Variants in EPB41L3 observed in about 807,000 individuals in gnomAD.
EPB41L3 encodes the protein band 4.1-like protein 3.
In EPB41L3, 57 loss-of-function variants were observed where a neutral mutation model predicts 127.1. The observed-to-expected ratio is 0.45, with a 90% confidence interval of 0.36 to 0.56. EPB41L3 has a LOEUF of 0.56. Among genes scored for constraint, EPB41L3 ranks in the 20% least tolerant of loss-of-function variants. EPB41L3 has a pLI of 0.00. For missense variants in EPB41L3, 1,273 were observed against 1,372.2 expected (o/e 0.93, Z 1.14); for synonymous variants, 572 against 549.5 (o/e 1.04, Z -0.57).
chr18:5,452,487 C>T (rs1365132880), intron 3 of EPB41L3, among the ~76,000 whole-genome samples: 4 of 152,026 alleles, frequency 2.6e-5, no homozygotes, highest in Non-Finnish European at 4.4e-5. Flanking sequence ...CCTCCCACCC[C>T]AGTCTCCCAG....
intron 12 of EPB41L3, among the ~76,000 whole-genome samples, chr18:5,419,034 T>C (rs2077153130): frequency 6.6e-6 from 1 of 152,222 alleles, no homozygotes; most frequent in African/African-American, 2.4e-5. Flanking sequence ...TTCTGAAAAG[T>C]TGCTTTGTAG....
intron 3 of EPB41L3, among the ~76,000 whole-genome samples, chr18:5,449,219 C>T (rs939109125): frequency 7.3e-5 from 11 of 151,420 alleles, no homozygotes; most frequent in Non-Finnish European, 1.5e-4. Flanking sequence ...AGCAAATAAG[C>T]GTATGAAAAG....
At chr18:5,465,191 C>T (rs1039994200) in intron 3 of EPB41L3, among the ~76,000 whole-genome samples, 9 of 152,206 alleles carry the variant, frequency 5.9e-5, no homozygotes, top group Admixed American at 2.0e-4. Context: ...CTCAATTCTA[C>T]CAGTTTCTAG....
At chr18:5,454,885 C>T (rs1780922090) in intron 3 of EPB41L3, among the ~76,000 whole-genome samples, 1 of 152,102 alleles carries the variant, frequency 6.6e-6, no homozygotes, top group South Asian at 2.1e-4. Context: ...ATTTAAACAC[C>T]TTTAAGTTGG....
At chr18:5,517,068 T>C (rs1334173903) in intron 1 of EPB41L3, among the ~76,000 whole-genome samples, 2 of 152,152 alleles carry the variant, frequency 1.3e-5, no homozygotes, top group Non-Finnish European at 2.9e-5. Flanking sequence ...TAGGTGCTGC[T>C]CTGAGGGCAG....
chr18:5,486,898 C>G (rs915756823), intron 2 of EPB41L3, among the ~76,000 whole-genome samples: 2 of 152,076 alleles, frequency 1.3e-5, no homozygotes, highest in Non-Finnish European at 2.9e-5. Context: ...TTCATACAGC[C>G]ACTGTGAAAA....
At chr18:5,528,351 AT>A (rs1329317825) in intron 1 of EPB41L3, among the ~76,000 whole-genome samples, 4 of 151,542 alleles carry the variant, frequency 2.6e-5, no homozygotes. Context: ...TTTTTAAAAA[AT>A]TTTTGTAGAG....
At chr18:5,458,768 A>G (rs2083490770) in intron 3 of EPB41L3, among the ~76,000 whole-genome samples, 1 of 152,226 alleles carries the variant, frequency 6.6e-6, no homozygotes, top group Non-Finnish European at 1.5e-5. Flanking sequence ...TATTTAGCGG[A>G]CTAACAGTTA....
intron 1 of EPB41L3, among the ~76,000 whole-genome samples, chr18:5,513,994 A>ACTTTT (rs1398050719): frequency 6.6e-6 from 1 of 152,240 alleles, no homozygotes; most frequent in African/African-American, 2.4e-5. Context: ...TAAAAAAGTA[A>ACTTTT]TAATGACTTT....
At chr18:5,439,536 A>T (rs1487772346) in intron 5 of EPB41L3, among the ~76,000 whole-genome samples, 1 of 152,226 alleles carries the variant, frequency 6.6e-6, no homozygotes, top group Non-Finnish European at 1.5e-5. Context: ...TACCATTGAC[A>T]TCACATTTAA....
intron 13 of EPB41L3, among the ~76,000 whole-genome samples, chr18:5,412,864 G>C (rs1442585558): frequency 8.7e-6 from 1 of 115,204 alleles, no homozygotes; most frequent in African/African-American, 5.0e-5. Flanking sequence ...GACACACTCA[G>C]AGCTAAAAAA....
intron 2 of EPB41L3, among the ~76,000 whole-genome samples, chr18:5,481,683 G>T (rs923150667): frequency 2.0e-5 from 3 of 152,208 alleles, no homozygotes; most frequent in African/African-American, 7.2e-5. Flanking sequence ...AGGAGACACT[G>T]AATCAGAGTG....
intron 1 of EPB41L3, among the ~76,000 whole-genome samples, chr18:5,502,563 G>T (rs1056674281): frequency 6.6e-6 from 1 of 152,202 alleles, no homozygotes; most frequent in Admixed American, 6.5e-5. Context: ...CCACACTGAT[G>T]CCTTATTTTA....
In EPB41L3 at chr18:5,393,454, C is replaced by A. The variant is rs779418719; in HGVS notation, c.*31G>T. 3 of 701,030 alleles carry A rather than the reference C, an allele frequency of 4.3e-6. No individual in the cohort carries two copies. 43.4% of individuals were successfully genotyped at this position (701,030 alleles called of 1,614,324 possible). On this transcript the variant is annotated 3_prime_UTR_variant, in exon 23 of 23. Coordinates refer to ENST00000341928, the MANE Select transcript of EPB41L3 (RefSeq NM_012307.5). ...GTTTTCCTAACGGTTTGCATGACTG[C>A]ATTCATGTGCAAGCTAAGTTATTCC... is the stretch of plus-strand genomic sequence containing the variant.
Position 5,406,956 on chromosome 18 carries a change from T to C in EPB41L3, c.2170A>G (p.Thr724Ala). Residue 724 changes from threonine (T) to alanine (A), a missense_variant, in exon 16 of 23, where the codon ACT (threonine) becomes GCT (alanine). Thr to Ala is a moderately conservative substitution (Grantham distance 58). Transcript: ENST00000341928. ...AELKAQELEK[T>A]QDDLMKHQTN... The stretch of plus-strand genomic sequence containing the variant: ...TGATGTTTCATCAGGTCATCTTGAG[T>C]TTTTTCTAGCTCCTATATTCAGAAC... The C allele has an allele frequency of 6.2e-7, 1 of 1,614,100 alleles. No individual in the cohort carries two copies.
At chr18:5,437,574 T>C (rs1259964642) in intron 6 of EPB41L3, among the ~76,000 whole-genome samples, 1 of 152,242 alleles carries the variant, frequency 6.6e-6, no homozygotes, top group Non-Finnish European at 1.5e-5. Flanking sequence ...ATCTTCTTTC[T>C]AGAAAACAAA....
At chr18:5,542,252 T>C (rs537797429) in intron 1 of EPB41L3, among the ~76,000 whole-genome samples, 1 of 152,390 alleles carries the variant, frequency 6.6e-6, no homozygotes, top group African/African-American at 2.4e-5. Context: ...CTTTTCTGCT[T>C]AATTTGCTGT....
At chr18:5,429,732 T>C (rs940665129) in intron 8 of EPB41L3, among the ~76,000 whole-genome samples, 1 of 152,198 alleles carries the variant, frequency 6.6e-6, no homozygotes. Flanking sequence ...AGTGGAAATA[T>C]TTGATGGCAG....
At chr18:5,534,146 G>A (rs1422256863) in intron 1 of EPB41L3, among the ~76,000 whole-genome samples, 2 of 152,178 alleles carry the variant, frequency 1.3e-5, no homozygotes, top group Non-Finnish European at 2.9e-5. Flanking sequence ...CTGGGTGACA[G>A]AGCGAGACTC....
Sources: allele counts gnomAD v4.1 joint callset (sites outside exome capture counted in the v4.1 genomes callset), GRCh38; gene constraint gnomAD v4.1.1; transcripts MANE v1.5; gene names NCBI Gene and HGNC (gene_info 2026-07-23, HGNC 2026-07-21).